LRRC8D: variants seen among roughly 807,000 people sequenced by gnomAD.
The protein encoded by LRRC8D is leucine rich repeat containing 8 VRAC subunit D.
LRRC8D carries 20 observed loss-of-function variants against 55.8 expected under a neutral mutation model. The observed-to-expected ratio is 0.36, with a 90% CI of 0.25 to 0.52. The LOEUF is 0.52. Among genes scored for constraint, LRRC8D ranks in the 20% least tolerant of loss-of-function variants. LRRC8D has a pLI of 0.93. For missense variants in LRRC8D, 651 were observed against 1,030.8 expected, an observed-to-expected ratio of 0.63 and a Z score of 5.05; for synonymous variants, 352 against 377.0, an observed-to-expected ratio of 0.93 and a Z score of 0.77.
In LRRC8D at chr1:89,911,237, T is replaced by C. The variant is rs1467773779; in HGVS notation, c.-2-21830T>C. Among the ~76,000 whole-genome samples the C allele has an allele frequency of 2.0e-5, 3 of 152,020 alleles. No individual in the cohort carries two copies. The highest frequency in any genetic ancestry group is 7.2e-5 in the African/African-American group (3 of 41,420). ...ATTTTGCAAGTTACCTTTTTCCCTT[T>C]AGACTTTTCAAAAAAGAACCTTTTA... On this transcript the variant is annotated intron_variant, in intron 2 of 2. Coordinates refer to ENST00000337338, the MANE Select transcript of LRRC8D (RefSeq NM_001134479.2). This position sits in a 1 kb window ranked among gnomAD's most constrained non-coding sequence, Gnocchi z 4.0.
At chr1:89,822,641 T>A (rs1326709921) in intron 1 of LRRC8D, among the ~76,000 whole-genome samples, 1 of 152,150 alleles carries the variant, frequency 6.6e-6, no homozygotes, top group Non-Finnish European at 1.5e-5. Flanking sequence ...TGATGAGGGC[T>A]GTCTACCTTA....
At chr1:89,866,413 A>G (rs894061233) in intron 2 of LRRC8D, among the ~76,000 whole-genome samples, 1 of 152,240 alleles carries the variant, frequency 6.6e-6, no homozygotes, top group African/African-American at 2.4e-5. Flanking sequence ...TTAGATTAAC[A>G]TTAAGATGAA....
At chr1:89,862,006 A>G (rs1661731010) in intron 2 of LRRC8D, among the ~76,000 whole-genome samples, 1 of 152,224 alleles carries the variant, frequency 6.6e-6, no homozygotes, top group African/African-American at 2.4e-5. Context: ...GTTATTGATT[A>G]CAAAGTGTAT....
At chr1:89,823,549 C>T (rs1314809456) in intron 1 of LRRC8D, among the ~76,000 whole-genome samples, 1 of 152,166 alleles carries the variant, frequency 6.6e-6, no homozygotes, top group Non-Finnish European at 1.5e-5. Flanking sequence ...AAAAGTTTGT[C>T]AAAACTTTGT....
chr1:89,837,581 A>G (rs1245085748), intron 1 of LRRC8D, among the ~76,000 whole-genome samples: 1 of 152,210 alleles, frequency 6.6e-6, no homozygotes, highest in African/African-American at 2.4e-5. Flanking sequence ...CTCCATGTCC[A>G]TGTCTCTTTT....
intron 2 of LRRC8D, among the ~76,000 whole-genome samples, chr1:89,865,362 T>C (rs1661817825): frequency 6.9e-6 from 1 of 144,164 alleles, no homozygotes; most frequent in African/African-American, 2.5e-5. Flanking sequence ...ATATATATAC[T>C]TTCTGTGCTT....
intron 2 of LRRC8D, among the ~76,000 whole-genome samples, chr1:89,909,879 AAAAAG>A (rs1479312650): frequency 1.3e-5 from 2 of 152,050 alleles, no homozygotes; most frequent in African/African-American, 4.8e-5. Context: ...AAAAAAAAAA[AAAAAG>A]AATTCAGTAA....
chr1:89,890,932 A>G (rs1206922980), intron 2 of LRRC8D, among the ~76,000 whole-genome samples: 1 of 151,902 alleles, frequency 6.6e-6, no homozygotes, highest in Non-Finnish European at 1.5e-5. Context: ...ATCACTCTGG[A>G]GTGCAGTGGG....
intron 2 of LRRC8D, among the ~76,000 whole-genome samples, chr1:89,881,642 G>A (rs982011909): frequency 1.3e-5 from 2 of 152,160 alleles, no homozygotes; most frequent in East Asian, 3.8e-4. Flanking sequence ...AGTGTTTATA[G>A]TAATAAGGCA....
chr1:89,848,899 C>T (rs1006254206), intron 2 of LRRC8D, among the ~76,000 whole-genome samples: 4 of 152,114 alleles, frequency 2.6e-5, no homozygotes, highest in Non-Finnish European at 4.4e-5. Context: ...GGGGTTTCAC[C>T]GTGTTAGCCA....
intron 2 of LRRC8D, among the ~76,000 whole-genome samples, chr1:89,931,206 A>G (rs912693518): frequency 1.3e-4 from 20 of 150,616 alleles, no homozygotes; most frequent in African/African-American, 4.9e-4. Context: ...TATTTTATTA[A>G]AAAATATTAT....
rs538372998 is a variant in LRRC8D, at chr1:89,917,512, C to T, written c.-2-15555C>T. ...CCTGTGACTCTTCAAGCTTTGGGCA[C>T]TAGCCTTCTTTCAGTTCTCTGGTCA... On this transcript the variant is annotated intron_variant, in intron 2 of 2. Coordinates refer to ENST00000337338, the MANE Select transcript of LRRC8D (RefSeq NM_001134479.2). Among the ~76,000 whole-genome samples, 11 of 152,220 alleles carry T rather than the reference C, an allele frequency of 7.2e-5. No individual in the cohort carries two copies. In the East Asian group the frequency reaches 7.7e-4, roughly 11 times the overall value.
intron 1 of LRRC8D, among the ~76,000 whole-genome samples, chr1:89,829,024 T>C (rs957525455): frequency 6.6e-6 from 1 of 152,232 alleles, no homozygotes; most frequent in African/African-American, 2.4e-5. Flanking sequence ...AGATTGGGTA[T>C]TAGATGCCGT....
At chr1:89,903,183 C>T (rs1318061257) in intron 2 of LRRC8D, among the ~76,000 whole-genome samples, 2 of 139,074 alleles carry the variant, frequency 1.4e-5, no homozygotes, top group Non-Finnish European at 3.1e-5. Context: ...TTCTCTTCAT[C>T]ATTGCACTGT....
chr1:89,886,527 A>G (rs17130917), intron 2 of LRRC8D, among the ~76,000 whole-genome samples: 4,183 of 152,294 alleles, frequency 0.027, 202 homozygotes, highest in African/African-American at 0.097. Flanking sequence ...TTTATTGTAA[A>G]GACAAGAACA....
intron 2 of LRRC8D, among the ~76,000 whole-genome samples, chr1:89,855,351 A>G (rs1438465291): frequency 6.6e-6 from 1 of 152,188 alleles, no homozygotes; most frequent in Non-Finnish European, 1.5e-5. Context: ...GAACAGGGAT[A>G]ACATCTTAAA....
At chr1:89,839,496 A>C (rs1272651893) in intron 1 of LRRC8D, among the ~76,000 whole-genome samples, 1 of 152,068 alleles carries the variant, frequency 6.6e-6, no homozygotes, top group East Asian at 1.9e-4. Flanking sequence ...ATTTTTTTTT[A>C]AACATGATTT....
chr1:89,884,966 C>T lies in LRRC8D; in HGVS notation c.-3+41184C>T, dbSNP rs373708992. On this transcript the variant is annotated intron_variant, in intron 2 of 2. Transcript: ENST00000337338. The stretch of plus-strand genomic sequence containing the variant: ...ATATCATGCTTGATGTTGCCTCCAG[C>T]TAAGTTATGACAGCAACCTCCCAGA... Among the ~76,000 whole-genome samples, 11 of 152,142 alleles carry T rather than the reference C, an allele frequency of 7.2e-5. 2 individuals carry two copies. Among genetic ancestry groups the T allele is most frequent in the Admixed American group, 7.2e-4 (11 of 15,272 alleles).
At chr1:89,915,016 C>CTGTG (rs56870719) in intron 2 of LRRC8D, among the ~76,000 whole-genome samples, 2,553 of 144,818 alleles carry the variant, frequency 0.018, 28 homozygotes, top group East Asian at 0.031. Context: ...TCTTGCTCTA[C>CTGTG]TGTGTGTGTG....
Sources: allele counts gnomAD v4.1 joint callset (sites outside exome capture counted in the v4.1 genomes callset), GRCh38; gene constraint gnomAD v4.1.1; non-coding constraint Gnocchi (gnomAD v3.1); transcripts MANE v1.5; gene names NCBI Gene and HGNC (gene_info 2026-07-23, HGNC 2026-07-21).